KHDC1: variants seen among roughly 807,000 people sequenced by gnomAD.
KHDC1 encodes the protein KH homology domain-containing protein 1.
KHDC1 carries 21 observed loss-of-function variants against 24.7 expected under a neutral mutation model. The observed-to-expected ratio is 0.85, with a 90% CI of 0.60 to 1.23. The LOEUF is 1.23. Among genes scored for constraint, KHDC1 ranks in the 50% most tolerant of loss-of-function variants. The pLI, the probability that KHDC1 is intolerant of heterozygous loss-of-function variation, is 0.00. For missense variants in KHDC1, 274 were observed against 298.5 expected, an observed-to-expected ratio of 0.92 and a Z score of 0.61; for synonymous variants, 98 against 111.7, an observed-to-expected ratio of 0.88 and a Z score of 0.77.
chr6:73,290,694 C>T, intron 2 of KHDC1: 1 of 448,892 alleles, frequency 2.2e-6, no homozygotes, highest in South Asian at 1.7e-5. Context: ...CTGCTGGAGC[C>T]ACATGTATTG....
chr6:73,254,533 AAATTACAAG>A (rs1766845642), intron 2 of KHDC1, among the ~76,000 whole-genome samples: 1 of 151,642 alleles, frequency 6.6e-6, no homozygotes, highest in Non-Finnish European at 1.5e-5. Context: ...TAGCTATAAG[AAATTACAAG>A]AAAGTGTTTC....
chr6:73,298,422 AATTTTTT>A (rs1767800792), intron 1 of KHDC1, among the ~76,000 whole-genome samples: 1 of 115,046 alleles, frequency 8.7e-6, no homozygotes, highest in Non-Finnish European at 1.6e-5. Context: ...ATACTTTGCA[AATTTTTT>A]TTTTTTTTTT....
intron 2 of KHDC1, among the ~76,000 whole-genome samples, chr6:73,289,639 G>A (rs905893257): frequency 6.6e-6 from 1 of 151,238 alleles, no homozygotes; most frequent in Admixed American, 6.6e-5. Flanking sequence ...GACAGAGTAA[G>A]ACCCTGTCTC....
Position 73,257,201 on chromosome 6 carries a change from G to A in KHDC1, c.207-14671C>T, listed in dbSNP as rs562469635. Among the ~76,000 whole-genome samples the A allele has an allele frequency of 4.6e-5, 7 of 152,300 alleles. No homozygotes were observed. The South Asian group carries it at 1.4e-3, about 32-fold the overall frequency. On this transcript the variant is annotated intron_variant, in intron 2 of 4. Coordinates refer to ENST00000370384, the Ensembl canonical transcript of KHDC1. ...CCAGCTACTTGAGAGGCTGAGGTGG[G>A]AAGATTGCTTGAGCCCAGGAGGTCA...
chr6:73,290,076 C>CGCAGTCA (rs1767615652), intron 2 of KHDC1, among the ~76,000 whole-genome samples: 1 of 123,804 alleles, frequency 8.1e-6, no homozygotes, highest in Non-Finnish European at 1.6e-5. Flanking sequence ...GTCCGCAGTC[C>CGCAGTCA]GGCCTGGGCA....
chr6:73,294,321 A>G (rs1767720188), intron 1 of KHDC1, among the ~76,000 whole-genome samples: 1 of 152,154 alleles, frequency 6.6e-6, no homozygotes, highest in Admixed American at 6.6e-5. Context: ...CAGTATATCC[A>G]CAGCACCTAG....
intron 1 of KHDC1, among the ~76,000 whole-genome samples, chr6:73,302,157 C>T (rs917506415): frequency 2.0e-5 from 3 of 152,066 alleles, no homozygotes; most frequent in Admixed American, 6.6e-5. Context: ...GACATGGTGG[C>T]ACACACCTGT....
rs112252845 is a variant in KHDC1, at chr6:73,252,293, G to A, written c.207-9763C>T. 4.4e-3 allele frequency among the ~76,000 whole-genome samples: 676 copies of A among 151,986 alleles called. 1 individual carries two copies. The highest frequency in any genetic ancestry group is 7.9e-3 in the Non-Finnish European group (535 of 67,970). On this transcript the variant is annotated intron_variant, in intron 2 of 4. Coordinates refer to ENST00000370384, the Ensembl canonical transcript of KHDC1. ...TTGTGGGCTCAAGCAATCTGCCCTC[G>A]TCGACCTCCCAAACTGGAGGGATTA... is the stretch of plus-strand genomic sequence containing the variant.
intron 2 of KHDC1, among the ~76,000 whole-genome samples, chr6:73,250,419 C>T (rs1312524011): frequency 6.6e-6 from 1 of 152,208 alleles, no homozygotes; most frequent in African/African-American, 2.4e-5. Flanking sequence ...TCTATTCTTA[C>T]CTTCTCACAG....
At chr6:73,300,055 T>TCC (rs1228846589) in intron 1 of KHDC1, 1 of 152,216 alleles carries the variant, frequency 6.6e-6, no homozygotes, top group Non-Finnish European at 1.5e-5. Context: ...GACTCTGGAT[T>TCC]CACATCCATA....
intron 1 of KHDC1, chr6:73,301,007 G>C (rs1452048754): frequency 6.6e-6 from 1 of 152,140 alleles, no homozygotes; most frequent in Non-Finnish European, 1.5e-5. Context: ...ACGAGGTCAG[G>C]AGATCGAGAC....
intron 2 of KHDC1, 55 bp from the exon 1 acceptor site, chr6:73,263,251 C>T (rs1006473094): frequency 3.0e-6 from 3 of 986,122 alleles, no homozygotes; most frequent in African/African-American, 3.5e-5. Context: ...ACCCAGAGCC[C>T]TCCTCCCGCC....
chr6:73,271,143 G>A (rs1197527899), intron 2 of KHDC1, among the ~76,000 whole-genome samples: 2 of 152,126 alleles, frequency 1.3e-5, no homozygotes. Flanking sequence ...ATAAAAGAAT[G>A]TAGCAAAGTC....
chr6:73,303,091 A>C (rs1254601520), intron 1 of KHDC1, among the ~76,000 whole-genome samples: 4 of 152,194 alleles, frequency 2.6e-5, no homozygotes, highest in Non-Finnish European at 5.9e-5. Context: ...ATAAAAATAA[A>C]AAGATGGAAA....
rs574152746 is a variant in KHDC1, at chr6:73,303,332, A to G, written c.163+6220T>C. 5.3e-5 allele frequency among the ~76,000 whole-genome samples: 8 copies of G among 152,218 alleles called. No individual in the cohort carries two copies. The East Asian group carries it at 1.5e-3, about 29-fold the overall frequency. On this transcript the variant is annotated intron_variant, in intron 1 of 4. Coordinates refer to ENST00000370384, the Ensembl canonical transcript of KHDC1. Reference sequence around the variant, plus strand: ...TGAAGGTTCCCATTGATAAATGCAGAAGGAATGAGAGAGAGAGAGAGAAAA... The same window carrying G: ...TGAAGGTTCCCATTGATAAATGCAGGAGGAATGAGAGAGAGAGAGAGAAAA...
chr6:73,281,456 A>C (rs1478888724), intron 2 of KHDC1, among the ~76,000 whole-genome samples: 3 of 151,856 alleles, frequency 2.0e-5, no homozygotes, highest in African/African-American at 7.3e-5. Context: ...TCTCTACTTA[A>C]AATATAAAAA....
chr6:73,260,468 T>A (rs187544891), intron 2 of KHDC1, among the ~76,000 whole-genome samples: 15 of 152,304 alleles, frequency 9.8e-5, no homozygotes, highest in African/African-American at 3.6e-4. Context: ...GAAATTATAT[T>A]TTTCTAATTT....
intron 2 of KHDC1, among the ~76,000 whole-genome samples, chr6:73,290,105 T>TGTAA (rs1767616687): frequency 9.6e-5 from 1 of 10,388 alleles, no homozygotes; most frequent in Non-Finnish European, 2.5e-4. Context: ...AGACTCCGTC[T>TGTAA]CAAAAAAAAA....
At chr6:73,277,044 T>C (rs1767311639) in intron 2 of KHDC1, among the ~76,000 whole-genome samples, 1 of 152,204 alleles carries the variant, frequency 6.6e-6, no homozygotes, top group South Asian at 2.1e-4. Flanking sequence ...GGAACTTTTG[T>C]AAATAAGGAA....
Sources: allele counts gnomAD v4.1 joint callset (sites outside exome capture counted in the v4.1 genomes callset), GRCh38; gene constraint gnomAD v4.1.1; transcripts MANE v1.5; gene names NCBI Gene and HGNC (gene_info 2026-07-23, HGNC 2026-07-21).